Variants in FBXL7 observed in about 807,000 individuals in gnomAD.
The protein encoded by FBXL7 is F-box and leucine rich repeat protein 7.
Under a neutral mutation model 38.3 loss-of-function variants are expected in FBXL7, and 12 were observed. The observed-to-expected ratio is 0.31, with a 90% CI of 0.20 to 0.51. The LOEUF is 0.51. FBXL7 is among the 20% of genes least tolerant of loss of function. The pLI, the probability that FBXL7 is intolerant of heterozygous loss-of-function variation, is 0.98. For missense variants in FBXL7, 567 were observed against 676.4 expected (o/e 0.84, Z 1.79); for synonymous variants, 297 against 300.9 (o/e 0.99, Z 0.13).
intron 1 of FBXL7, among the ~76,000 whole-genome samples, chr5:15,579,040 A>C (rs190312519): frequency 6.8e-4 from 103 of 152,292 alleles, no homozygotes; most frequent in Middle Eastern, 3.4e-3. Flanking sequence ...TTAATGTGCT[A>C]TTTGGGTGAG....
intron 2 of FBXL7, among the ~76,000 whole-genome samples, chr5:15,743,892 G>A (rs1476295787): frequency 6.6e-6 from 1 of 152,200 alleles, no homozygotes; most frequent in Non-Finnish European, 1.5e-5. Context: ...AAGGCTTGGG[G>A]CTTTCAGCCT....
At chr5:15,502,124 G>T (rs1166048361) in intron 1 of FBXL7, among the ~76,000 whole-genome samples, 1 of 152,072 alleles carries the variant, frequency 6.6e-6, no homozygotes, top group Non-Finnish European at 1.5e-5. Context: ...AAAGCTTTCA[G>T]GATATAATTG....
chr5:15,608,719 C>A (rs948778683), intron 1 of FBXL7, among the ~76,000 whole-genome samples: 2 of 152,196 alleles, frequency 1.3e-5, no homozygotes, highest in Non-Finnish European at 2.9e-5. Context: ...GCAGCCTCAA[C>A]TTCTGCCTGG....
chr5:15,867,693 GTC>G (rs1209463154), intron 2 of FBXL7, among the ~76,000 whole-genome samples: 1 of 152,178 alleles, frequency 6.6e-6, no homozygotes, highest in East Asian at 1.9e-4. Context: ...AGTGGGCTCA[GTC>G]TGATCACCTG....
rs73062127 is a variant in FBXL7, at chr5:15,841,350, C to T, written c.128-86540C>T. On this transcript the variant is annotated intron_variant, in intron 2 of 3. Coordinates refer to ENST00000504595, the MANE Select transcript of FBXL7 (RefSeq NM_012304.5). ...GAATAAATCTCAGTTTTAAAATGTC[C>T]CTCCATTTATAGTTTGCTAAGAGTT... Among the ~76,000 whole-genome samples, 728 of 151,860 alleles carry T rather than the reference C, an allele frequency of 4.8e-3. 10 individuals carry two copies. The highest frequency in any genetic ancestry group is 0.017 in the African/African-American group (690 of 41,414).
At chr5:15,851,849 C>T (rs572312902) in intron 2 of FBXL7, among the ~76,000 whole-genome samples, 75 of 146,940 alleles carry the variant, frequency 5.1e-4, no homozygotes, top group African/African-American at 1.4e-3. Context: ...CACACACACA[C>T]AAAGTTCCTT....
chr5:15,509,167 G>T (rs1440588195), intron 1 of FBXL7, among the ~76,000 whole-genome samples: 1 of 152,212 alleles, frequency 6.6e-6, no homozygotes, highest in Non-Finnish European at 1.5e-5. Context: ...GAGCGCTGAG[G>T]CACTTTTGTA....
In FBXL7 at chr5:15,890,968, A is replaced by C. The variant is rs12522998; in HGVS notation, c.128-36922A>C. Among the ~76,000 whole-genome samples the C allele has an allele frequency of 2.2e-3, 327 of 150,718 alleles. 1 individual carries two copies. The highest frequency in any genetic ancestry group is 3.7e-3 in the Non-Finnish European group (247 of 67,422). ...ATAATCTAGATAATTAGAAAAAAAA[A>C]CTTGAAAATCTATTATCTGTTCAGA... On this transcript the variant is annotated intron_variant, in intron 2 of 3. Coordinates refer to ENST00000504595, the MANE Select transcript of FBXL7 (RefSeq NM_012304.5).
At chr5:15,805,882 G>T (rs1290608410) in intron 2 of FBXL7, among the ~76,000 whole-genome samples, 1 of 152,062 alleles carries the variant, frequency 6.6e-6, no homozygotes, top group Non-Finnish European at 1.5e-5. Context: ...AGAATTCTTT[G>T]GGCATTGAAG....
intron 2 of FBXL7, among the ~76,000 whole-genome samples, chr5:15,690,720 A>G (rs1320986732): frequency 6.6e-6 from 1 of 152,200 alleles, no homozygotes; most frequent in Non-Finnish European, 1.5e-5. Flanking sequence ...GATCTCACCC[A>G]TATGTGAAAT....
chr5:15,827,703 G>A (rs1433210736), intron 2 of FBXL7, among the ~76,000 whole-genome samples: 1 of 152,074 alleles, frequency 6.6e-6, no homozygotes, highest in African/African-American at 2.4e-5. Context: ...CCACTCAAAG[G>A]TCTCCTCTCC....
intron 2 of FBXL7, among the ~76,000 whole-genome samples, chr5:15,898,930 A>G (rs1741169576): frequency 1.3e-5 from 2 of 152,226 alleles, no homozygotes; most frequent in East Asian, 3.9e-4. Context: ...CCTTTTTGAA[A>G]GGACTGAATA....
intron 2 of FBXL7, among the ~76,000 whole-genome samples, chr5:15,731,292 C>A (rs1735576701): frequency 6.6e-6 from 1 of 152,120 alleles, no homozygotes; most frequent in Non-Finnish European, 1.5e-5. Flanking sequence ...GCTAGGGAAG[C>A]CTCACAATCA....
intron 1 of FBXL7, among the ~76,000 whole-genome samples, chr5:15,526,579 A>T (rs1737256611): frequency 6.6e-6 from 1 of 152,150 alleles, no homozygotes; most frequent in Non-Finnish European, 1.5e-5. Context: ...CCTTATTCAA[A>T]ACAGACTGGG....
At chr5:15,731,928 A>C (rs973446170) in intron 2 of FBXL7, among the ~76,000 whole-genome samples, 1 of 152,176 alleles carries the variant, frequency 6.6e-6, no homozygotes, top group South Asian at 2.1e-4. Context: ...AACAACAAGC[A>C]TGTCAAGTCT....
rs554047539 is a variant in FBXL7, at chr5:15,936,646, C to G, written c.936C>G (p.Thr312=). 7 of 1,608,652 alleles carry G rather than the reference C, an allele frequency of 4.4e-6. No homozygotes were observed. The African/African-American group carries it at 5.3e-5, about 12-fold the overall frequency. ...ACCTGCGCCGCTGCGTCCGCCTGACCGACGAAGGCCTGCGCTACCTGGTGA... is the reference window on the plus strand; with the variant it reads ...ACCTGCGCCGCTGCGTCCGCCTGACGGACGAAGGCCTGCGCTACCTGGTGA... The part of the protein sequence containing the change: ...HLYLRRCVRL[T]DEGLRYLVIY... Residue 312 remains threonine (T), a synonymous_variant, in exon 4 of 4, where the codon ACC becomes ACG. Transcript: ENST00000504595. The surrounding 1 kb of genome is among the most constrained non-coding windows in gnomAD (Gnocchi z 6.0).
chr5:15,591,351 T>C (rs1020889938), intron 1 of FBXL7, among the ~76,000 whole-genome samples: 1 of 149,578 alleles, frequency 6.7e-6, no homozygotes, highest in East Asian at 2.0e-4. Flanking sequence ...ATGGTGTGAA[T>C]CCGGGAGGTG....
intron 1 of FBXL7, among the ~76,000 whole-genome samples, chr5:15,561,739 A>G (rs537310707): frequency 6.6e-6 from 1 of 152,240 alleles, no homozygotes; most frequent in South Asian, 2.1e-4. Flanking sequence ...CTTTTTGATA[A>G]CAGCCATCCT....
intron 1 of FBXL7, among the ~76,000 whole-genome samples, chr5:15,571,756 G>C (rs1738794034): frequency 2.0e-5 from 3 of 152,058 alleles, no homozygotes; most frequent in Admixed American, 2.0e-4. Flanking sequence ...GTCAGTCACT[G>C]GTGGACATGT....
Sources: gnomAD v4.1 joint callset for allele counts (sites outside exome capture counted in the v4.1 genomes callset) on GRCh38, gnomAD v4.1.1 for gene constraint, Gnocchi (gnomAD v3.1) non-coding constraint, MANE v1.5 for transcripts, NCBI Gene and HGNC (gene_info 2026-07-23, HGNC 2026-07-21) for gene names.